The following ZFP36L1 variants were observed in gnomAD, a reference collection of about 807,000 sequenced individuals.
The protein encoded by ZFP36L1 is ZFP36 like 1 zinc finger CCCH-type.
A neutral mutation model predicts 16.7 loss-of-function variants in ZFP36L1; 4 were observed. The observed-to-expected ratio is 0.24, with a 90% CI of 0.12 to 0.55. The LOEUF is 0.55. Among genes scored for constraint, ZFP36L1 ranks in the 20% least tolerant of loss-of-function variants. The probability of loss-of-function intolerance (pLI) is 0.94; values close to 1 mark genes in which losing one functional copy is unlikely to be tolerated. For synonymous variants in ZFP36L1, 220 were observed against 190.8 expected (o/e 1.15, Z -1.26); for missense variants, 311 against 449.2 (o/e 0.69, Z 2.78).
At chr14:68,792,772 C>T (rs565601543) in intron 1 of ZFP36L1, 110 bp downstream of exon 1, 2 of 1,454,774 alleles carry the variant, frequency 1.4e-6, no homozygotes, top group East Asian at 2.3e-5. Flanking sequence ...AAAGAATCAT[C>T]TCGCTGCACC....
chr14:68,791,928 A>T (rs1373602771), intron 1 of ZFP36L1, among the ~76,000 whole-genome samples: 1 of 152,250 alleles, frequency 6.6e-6, no homozygotes, highest in Non-Finnish European at 1.5e-5. Context: ...CGACGTGTTA[A>T]GAGAAGGCAA....
upstream of ZFP36L1, among the ~76,000 whole-genome samples, chr14:68,795,212 G>C (rs906353633): frequency 1.2e-4 from 18 of 152,218 alleles, no homozygotes; most frequent in African/African-American, 4.3e-4. Flanking sequence ...TTTCAGGACA[G>C]AGCAGAGTGC....
At chr14:68,792,089 T>G (rs1401930140) in intron 1 of ZFP36L1, among the ~76,000 whole-genome samples, 1 of 152,322 alleles carries the variant, frequency 6.6e-6, no homozygotes, top group Non-Finnish European at 1.5e-5. Flanking sequence ...ACTTGCTTTT[T>G]CAACACTGGC....
chr14:68,793,865 A>AG (rs1895179080), upstream of ZFP36L1: 1 of 971,966 alleles, frequency 1.0e-6, no homozygotes, highest in South Asian at 4.9e-5. Flanking sequence ...GGCACAATTT[A>AG]GTGCGCCGCA....
chr14:68,792,784 C>G (rs1566561081), intron 1 of ZFP36L1, 98 bp downstream of exon 1: 1 of 1,515,632 alleles, frequency 6.6e-7, no homozygotes, highest in Admixed American at 1.7e-5. Flanking sequence ...CGCTGCACCA[C>G]TTTCCCCATT....
At position 68,788,591 on chromosome 14, in the gene ZFP36L1, AC is replaced by A. The variant is rs1894973992; in HGVS notation, c.*941del. 6.9e-6 allele frequency: 1 copy of A among 145,510 alleles called. No individual in the cohort carries two copies. Among genetic ancestry groups the A allele is most frequent in the Admixed American group, 6.9e-5 (1 of 14,590 alleles). The allele number at this position is 145,510 out of a possible 1,614,324, so 9.0% of individuals were successfully genotyped here. ...GAATACCATTAACTGCTCACCCCTT[AC>A]TTTTTTTTTTTTAGCTTTTCTCTCA... On this transcript the variant is annotated 3_prime_UTR_variant, in exon 2 of 2. Coordinates refer to ENST00000439696, the MANE Select transcript of ZFP36L1 (RefSeq NM_004926.4).
At position 68,789,984 on chromosome 14, in the gene ZFP36L1, C is replaced by T; in HGVS notation, c.566G>A (p.Arg189Gln). Residue 189 changes from arginine (R) to glutamine (Q), a missense_variant, in exon 2 of 2, where the codon CGG becomes CAG. By Grantham distance (43) the Arg-to-Gln change is conservative. Around this residue, in one of 4 missense-constraint regions of ZFP36L1, gnomAD observed 147 missense variants for 192.0 expected, o/e 0.77. Coordinates refer to ENST00000439696, the MANE Select transcript of ZFP36L1 (RefSeq NM_004926.4). The surrounding 1 kb of genome is among the most constrained non-coding windows in gnomAD (Gnocchi z 4.5). ...AEERRALAGA[R>Q]DLSADRPRLQ... is the part of the protein sequence containing the mutation. ...GCGGGGACGGTCAGCGGAGAGGTCC[C>T]GGGCCCCGGCCAGGGCACGGCGCTC... 6.2e-7 allele frequency: 1 copy of T among 1,605,848 alleles called. No homozygotes were observed. The highest frequency in any genetic ancestry group is 8.5e-7 in the Non-Finnish European group (1 of 1,176,592).
upstream of ZFP36L1, chr14:68,793,835 G>C: frequency 1.0e-6 from 1 of 984,908 alleles, no homozygotes; most frequent in African/African-American, 1.7e-5. Flanking sequence ...AGGAGGACAT[G>C]GTCTGGCGGG....
chr14:68,791,804 T>C (rs188902947), intron 1 of ZFP36L1, among the ~76,000 whole-genome samples: 1 of 152,268 alleles, frequency 6.6e-6, no homozygotes, highest in Non-Finnish European at 1.5e-5. Context: ...ATTCAAACTT[T>C]TTAAATGCTA....
rs1448297472 is a variant in ZFP36L1, at chr14:68,789,900, G to C, written c.650C>G (p.Thr217Ser). ...FPSAAATAAA[T>S]GLLDSPTSIT... ...GGACGTGGGGCTGTCCAGCAGCCCG[G>C]TGGCAGCGGCGGTGGCAGCGGCACT... The change falls in exon 2 of 2, where the codon ACC becomes AGC. Residue 217 changes from threonine to serine, a missense_variant. By Grantham distance (58) the Thr-to-Ser change is moderately conservative (BLOSUM62 1). Transcript: ENST00000439696. The surrounding 1 kb of genome is among the most constrained non-coding windows in gnomAD (Gnocchi z 4.5). The C allele has an allele frequency of 6.2e-7, 1 of 1,609,508 alleles. No individual in the cohort carries two copies.
chr14:68,793,491 T>C (rs1433538212), upstream of ZFP36L1: 9 of 986,746 alleles, frequency 9.1e-6, no homozygotes. Context: ...CCTCCGGGGT[T>C]CTTGTTGTCA....
In ZFP36L1 at chr14:68,792,900, C is replaced by A; in HGVS notation, c.39G>T (p.Leu13Phe). ...CCTTTACCTTGCATAAAACTTCGCT[C>A]AAGTCGAAGATGGTGGCAGACACGA... The part of the protein sequence containing the change: ...TTLVSATIFD[L>F]SEVLCKGNKM... The change falls in exon 1 of 2, where the codon TTG becomes TTT. Residue 13 changes from leucine to phenylalanine, a missense_variant. This residue lies in a region of ZFP36L1 where 137 missense variants were observed against 142.6 expected (regional missense o/e 0.96). Coordinates refer to ENST00000439696, the MANE Select transcript of ZFP36L1 (RefSeq NM_004926.4). The A allele has an allele frequency of 6.2e-7, 1 of 1,614,084 alleles. No individual in the cohort carries two copies. The highest frequency in any genetic ancestry group is 1.1e-5 in the South Asian group (1 of 91,078).
Position 68,788,039 on chromosome 14 carries a change from GAGAA to G in ZFP36L1, c.*1490_*1493del, listed in dbSNP as rs1214731684. On this transcript the variant is annotated 3_prime_UTR_variant, in exon 2 of 2. Coordinates refer to ENST00000439696, the MANE Select transcript of ZFP36L1 (RefSeq NM_004926.4). The stretch of plus-strand genomic sequence containing the variant: ...CAGTCCTAGTTGTGAAAGGCCTAAA[GAGAA>G]AGAAACTCAATTTGCAGTCCAACAC... The G allele has an allele frequency of 6.6e-6, 1 of 152,222 alleles. No homozygotes were observed. Among genetic ancestry groups the G allele is most frequent in the Non-Finnish European group, 1.5e-5 (1 of 67,944 alleles). The allele number at this position is 152,222 out of a possible 1,614,324, so 9.4% of individuals were successfully genotyped here.
chr14:68,790,261 G>A lies in ZFP36L1; in HGVS notation c.289C>T (p.Arg97Trp). ...RDRSFSEGGE[R>W]LLPTQKQPGG... is the part of the protein sequence containing the mutation. ...GGCTGCTTCTGGGTGGGCAGCAGCCGCTCGCCCCCTTCCGAGAAGGAGCGG... is the reference window on the plus strand; with the variant it reads ...GGCTGCTTCTGGGTGGGCAGCAGCCACTCGCCCCCTTCCGAGAAGGAGCGG... Residue 97 changes from arginine (R) to tryptophan (W), a missense_variant, in exon 2 of 2, where the codon CGG becomes TGG. Physicochemically the swap from Arg to Trp is moderately radical, Grantham distance 101. Around this residue, in one of 4 missense-constraint regions of ZFP36L1, gnomAD observed 137 missense variants for 142.6 expected, o/e 0.96. Coordinates refer to ENST00000439696, the MANE Select transcript of ZFP36L1 (RefSeq NM_004926.4). 3.7e-6 allele frequency: 6 copies of A among 1,610,744 alleles called. No individual in the cohort carries two copies. Among genetic ancestry groups the A allele is most frequent in the South Asian group, 1.1e-5 (1 of 91,056 alleles).
In ZFP36L1 at chr14:68,792,943, T is replaced by G. The variant is rs1594718636; in HGVS notation, c.-5A>C. The G allele has an allele frequency of 6.2e-7, 1 of 1,613,900 alleles. No individual in the cohort carries two copies. Among genetic ancestry groups the G allele is most frequent in the Non-Finnish European group, 8.5e-7 (1 of 1,179,948 alleles). ...AGACACGAGGGTGGTGGTCATCCTG[T>G]GCGTTCGCGCGAGCCAGGGGCGAGG... On this transcript the variant is annotated 5_prime_UTR_variant, in exon 1 of 2. Transcript: ENST00000439696.
chr14:68,789,799 A>G lies in ZFP36L1; in HGVS notation c.751T>C (p.Phe251Leu), dbSNP rs770355047. ...GCCAGCTCCTGGCTGGAGAAGGCAAAAGGGTTATTGGTGCCATCGGGCAGG... is the reference window on the plus strand; with the variant it reads ...GCCAGCTCCTGGCTGGAGAAGGCAAGAGGGTTATTGGTGCCATCGGGCAGG... The part of the protein sequence containing the change: ...PTLPDGTNNP[F>L]AFSSQELASL... The change falls in exon 2 of 2, where the codon TTT becomes CTT. Residue 251 changes from phenylalanine to leucine, a missense_variant. Phe to Leu is a conservative substitution (Grantham distance 22). Coordinates refer to ENST00000439696, the MANE Select transcript of ZFP36L1 (RefSeq NM_004926.4). The surrounding 1 kb of genome is among the most constrained non-coding windows in gnomAD (Gnocchi z 4.5). The G allele has an allele frequency of 6.2e-6, 10 of 1,613,372 alleles. No individual in the cohort carries two copies. The highest frequency in any genetic ancestry group is 8.5e-6 in the Non-Finnish European group (10 of 1,179,998).
upstream of ZFP36L1, among the ~76,000 whole-genome samples, chr14:68,795,641 C>T (rs2140215573): frequency 6.6e-6 from 1 of 152,340 alleles, no homozygotes; most frequent in African/African-American, 2.4e-5. Flanking sequence ...CTCCCCTCCC[C>T]CTCTCCCCGG....
intron 1 of ZFP36L1, among the ~76,000 whole-genome samples, chr14:68,792,668 T>C (rs1005768550): frequency 6.6e-6 from 1 of 152,116 alleles, no homozygotes; most frequent in Non-Finnish European, 1.5e-5. Flanking sequence ...GGCCTCCAGA[T>C]TCACATGTAA....
Position 68,789,339 on chromosome 14 carries a change from T to A in ZFP36L1, c.*194A>T. 1.1e-5 allele frequency: 8 copies of A among 736,032 alleles called. No individual in the cohort carries two copies. The highest frequency in any genetic ancestry group is 1.7e-5 in the Non-Finnish European group (8 of 478,386). 45.6% of individuals were successfully genotyped at this position (736,032 alleles called of 1,614,324 possible). Reference sequence around the variant, plus strand: ...AAGCCAGAAGAAGCTACTGACAAATTGACTTGTCCTTATGTTAGGTGGGGT... The same window carrying A: ...AAGCCAGAAGAAGCTACTGACAAATAGACTTGTCCTTATGTTAGGTGGGGT... On this transcript the variant is annotated 3_prime_UTR_variant, in exon 2 of 2. Transcript: ENST00000439696. This position sits in a 1 kb window ranked among gnomAD's most constrained non-coding sequence, Gnocchi z 4.5.
Sources: gnomAD v4.1 joint callset for allele counts (sites outside exome capture counted in the v4.1 genomes callset) on GRCh38, gnomAD v4.1.1 for gene constraint, gnomAD v4.1.1 regional missense constraint, Gnocchi (gnomAD v3.1) non-coding constraint, MANE v1.5 for transcripts, NCBI Gene and HGNC (gene_info 2026-07-23, HGNC 2026-07-21) for gene names.